MAP2: variants seen among roughly 807,000 people sequenced by gnomAD.
MAP2 encodes microtubule-associated protein 2.
In MAP2, 14 loss-of-function variants were observed where a neutral mutation model predicts 137.6. The observed-to-expected ratio is 0.10, with a 90% CI of 0.07 to 0.16. MAP2 has a LOEUF of 0.16. MAP2 is among the 10% of genes least tolerant of loss of function. The pLI is 1.00. For missense variants in MAP2, 2,088 were observed against 2,191.5 expected (o/e 0.95, Z 0.94); for synonymous variants, 786 against 782.3 (o/e 1.00, Z -0.08).
intron 1 of MAP2, among the ~76,000 whole-genome samples, chr2:209,472,582 C>G (rs567507725): frequency 1.2e-4 from 18 of 152,208 alleles, no homozygotes; most frequent in African/African-American, 4.3e-4. Flanking sequence ...CATCAAAGTA[C>G]TGACAAAGGC....
rs1341582757 is a variant in MAP2 at position 209,466,131 on chromosome 2, A to T, written c.-221-41461A>T. ...AAGAAATGGTTATTTAGTCCAAAGA[A>T]TCATAAACTATTGGTTTGTCTCAGT... On this transcript the variant is annotated intron_variant, in intron 1 of 15. Transcript: ENST00000682079. 2.0e-5 allele frequency among the ~76,000 whole-genome samples: 3 copies of T among 152,300 alleles called. No homozygotes were observed. In the South Asian group the frequency reaches 6.2e-4, roughly 32 times the overall value.
intron 3 of MAP2, among the ~76,000 whole-genome samples, chr2:209,614,582 C>A (rs1342540211): frequency 6.6e-6 from 1 of 152,092 alleles, no homozygotes; most frequent in Non-Finnish European, 1.5e-5. Context: ...TATTTCAAGG[C>A]TTGCTTTTAT....
chr2:209,669,006 C>A (rs1240004776), intron 5 of MAP2, among the ~76,000 whole-genome samples: 1 of 152,024 alleles, frequency 6.6e-6, no homozygotes, highest in East Asian at 1.9e-4. Context: ...GTCTATTTAA[C>A]ATTGACTTTT....
At chr2:209,483,254 A>G (rs2057952621) in intron 1 of MAP2, among the ~76,000 whole-genome samples, 1 of 152,194 alleles carries the variant, frequency 6.6e-6, no homozygotes. Flanking sequence ...AATACAGAAA[A>G]ATGAAATGTC....
chr2:209,672,654 C>G (rs1012187661), intron 5 of MAP2, among the ~76,000 whole-genome samples: 3 of 151,842 alleles, frequency 2.0e-5, no homozygotes, highest in African/African-American at 7.2e-5. Context: ...TAAATCATAA[C>G]AATGTCTAAA....
chr2:209,476,091 C>T (rs1051713656), intron 1 of MAP2, among the ~76,000 whole-genome samples: 53 of 151,842 alleles, frequency 3.5e-4, no homozygotes, highest in Admixed American at 1.3e-3. Flanking sequence ...TCTTATCATC[C>T]AGAATAGAGG....
At chr2:209,530,995 G>C (rs1034869634) in intron 2 of MAP2, among the ~76,000 whole-genome samples, 4 of 152,142 alleles carry the variant, frequency 2.6e-5, no homozygotes, top group Non-Finnish European at 5.9e-5. Context: ...CTGATTGAAT[G>C]AATGAAATAC....
chr2:209,609,670 A>G (rs963743063), intron 3 of MAP2, among the ~76,000 whole-genome samples: 2 of 152,192 alleles, frequency 1.3e-5, no homozygotes, highest in African/African-American at 4.8e-5. Flanking sequence ...TGGAAGAATA[A>G]TATTCCATTG....
intron 13 of MAP2, chr2:209,721,991 T>C (rs976510563): frequency 1.3e-5 from 2 of 152,222 alleles, no homozygotes; most frequent in Admixed American, 6.5e-5. Context: ...TAGATGGGAA[T>C]GGGCACATTT....
At chr2:209,524,191 A>G (rs1189207504) in intron 2 of MAP2, among the ~76,000 whole-genome samples, 1 of 152,180 alleles carries the variant, frequency 6.6e-6, no homozygotes, top group Non-Finnish European at 1.5e-5. Flanking sequence ...GTGATGCATA[A>G]AGGCATTCAT....
chr2:209,664,324 C>T (rs546674583), intron 5 of MAP2, among the ~76,000 whole-genome samples: 65 of 152,064 alleles, frequency 4.3e-4, no homozygotes, highest in African/African-American at 1.5e-3. Flanking sequence ...CCAAGATGGG[C>T]AGATCACTTG....
At position 209,694,301 on chromosome 2, in the gene MAP2, T is replaced by C; in HGVS notation, c.2131T>C (p.Ser711Pro). The change falls in exon 8 of 16, where the codon TCC becomes CCC. Residue 711 changes from serine to proline, a missense_variant. By Grantham distance (74) the Ser-to-Pro change is moderately conservative (BLOSUM62 -1). Around this residue, in one of 6 missense-constraint regions of MAP2, gnomAD observed 500 missense variants for 482.9 expected, o/e 1.04. Coordinates refer to ENST00000682079, the MANE Select transcript of MAP2 (RefSeq NM_001375505.1). ...CAATTTGCCGATGTCTTGCCTAGAT[T>C]CCATAGCCCTTGGATTTAACTTTGG... ...SINLPMSCLDSIALGFNFGRG... is the reference protein window; with the variant it reads ...SINLPMSCLDPIALGFNFGRG... 6.2e-7 allele frequency: 1 copy of C among 1,614,154 alleles called. No individual in the cohort carries two copies. The highest frequency in any genetic ancestry group is 2.2e-5 in the East Asian group (1 of 44,866).
At chr2:209,569,560 A>G (rs980917181) in intron 2 of MAP2, among the ~76,000 whole-genome samples, 5 of 151,850 alleles carry the variant, frequency 3.3e-5, no homozygotes, top group African/African-American at 1.2e-4. Flanking sequence ...GGGAGTAGGA[A>G]TTACAGATTG....
rs2153717366 is a variant in MAP2 at position 209,693,286 on chromosome 2, T to C, written c.1116T>C (p.His372=). 6.2e-7 allele frequency: 1 copy of C among 1,614,064 alleles called. No individual in the cohort carries two copies. Among genetic ancestry groups the C allele is most frequent in the Non-Finnish European group, 8.5e-7 (1 of 1,179,994 alleles). Residue 372 remains histidine, a synonymous_variant, in exon 8 of 16, where the codon CAT becomes CAC. Transcript: ENST00000682079. ...ATAGTTTTAAAATTGAAGAGCCCCA[T>C]GAGGCTAAACCTGACAAAATGGCAG... ...AKDSFKIEEP[H]EAKPDKMAEA...
intron 2 of MAP2, among the ~76,000 whole-genome samples, chr2:209,549,131 G>C (rs369184731): frequency 1.4e-4 from 22 of 152,244 alleles, no homozygotes; most frequent in Non-Finnish European, 2.4e-4. Context: ...ATTGGTAAAG[G>C]CTTTCTCCTG....
chr2:209,472,447 A>G (rs1165858809), intron 1 of MAP2, among the ~76,000 whole-genome samples: 1 of 152,182 alleles, frequency 6.6e-6, no homozygotes, highest in Non-Finnish European at 1.5e-5. Context: ...TCTGAAGGGT[A>G]TAGCCAGCCC....
chr2:209,687,774 T>C (rs2057513011), intron 7 of MAP2, among the ~76,000 whole-genome samples: 1 of 152,188 alleles, frequency 6.6e-6, no homozygotes, highest in Non-Finnish European at 1.5e-5. Context: ...GCCATGAACC[T>C]GCCACCAGCG....
intron 2 of MAP2, among the ~76,000 whole-genome samples, chr2:209,566,636 T>C (rs2073468968): frequency 6.6e-6 from 1 of 152,218 alleles, no homozygotes; most frequent in South Asian, 2.1e-4. Context: ...TTTCAAGTGA[T>C]GTACAAATAG....
intron 2 of MAP2, among the ~76,000 whole-genome samples, chr2:209,529,917 T>G (rs572807199): frequency 7.8e-6 from 1 of 128,216 alleles, no homozygotes; most frequent in Non-Finnish European, 1.6e-5. Context: ...CATTAATGAT[T>G]GTAGAGGAGA....
Sources: gnomAD v4.1 joint callset for allele counts (sites outside exome capture counted in the v4.1 genomes callset) on GRCh38, gnomAD v4.1.1 for gene constraint, gnomAD v4.1.1 regional missense constraint, MANE v1.5 for transcripts, NCBI Gene and HGNC (gene_info 2026-07-23, HGNC 2026-07-21) for gene names.